The following MSTO1 variants were observed in gnomAD, a reference collection of about 807,000 sequenced individuals.
MSTO1 encodes the protein misato mitochondrial distribution and morphology regulator 1.
A neutral mutation model predicts 55.7 loss-of-function variants in MSTO1; 24 were observed. The ratio of observed to expected loss-of-function variants is 0.43; its 90% CI spans 0.31 to 0.61. MSTO1 has a LOEUF of 0.61. MSTO1 is among the 20% of genes least tolerant of loss of function. MSTO1 has a pLI of 0.09. For missense variants in MSTO1, 363 were observed against 625.7 expected (o/e 0.58, Z 4.48); for synonymous variants, 162 against 252.8 (o/e 0.64, Z 3.41).
At chr1:155,580,907 C>CAAAA in the MSTO1 span, among the ~76,000 whole-genome samples, 1 of 91,670 alleles carries the variant, frequency 1.1e-5, no homozygotes, top group African/African-American at 4.3e-5. Context: ...GACTCTGTCT[C>CAAAA]AAAAAAAAAA....
chr1:155,585,122 TTGTTCACCATTGTATTCACAGGGCC>T, the MSTO1 span, among the ~76,000 whole-genome samples: 7 of 152,206 alleles, frequency 4.6e-5, no homozygotes, highest in Non-Finnish European at 7.3e-5. Flanking sequence ...CTATAACAGT[TTGTTCACCATTGTATTCACAGGGCC>T]TGGTACATAG....
At chr1:155,592,358 G>A in the MSTO1 span, among the ~76,000 whole-genome samples, 9 of 152,256 alleles carry the variant, frequency 5.9e-5, no homozygotes, top group Middle Eastern at 3.4e-3. Context: ...GATTAGAAAG[G>A]ACACAATAAC....
At chr1:155,588,873 T>G in the MSTO1 span, among the ~76,000 whole-genome samples, 1 of 152,168 alleles carries the variant, frequency 6.6e-6, no homozygotes, top group Non-Finnish European at 1.5e-5. Context: ...TGGCTCTCCC[T>G]GCATGTGCCC....
the MSTO1 span, among the ~76,000 whole-genome samples, chr1:155,574,313 T>G: frequency 1.3e-5 from 2 of 152,130 alleles, no homozygotes; most frequent in African/African-American, 4.8e-5. Context: ...GTCATCACAC[T>G]GCAGCCTAGG....
At chr1:155,573,478 C>G in the MSTO1 span, among the ~76,000 whole-genome samples, 3 of 151,856 alleles carry the variant, frequency 2.0e-5, no homozygotes, top group Non-Finnish European at 2.9e-5. Flanking sequence ...GTAGACAGAT[C>G]GCTTGAGCTC....
the MSTO1 span, among the ~76,000 whole-genome samples, chr1:155,586,959 G>A: frequency 6.6e-6 from 1 of 152,144 alleles, no homozygotes; most frequent in East Asian, 1.9e-4. Flanking sequence ...TATTGGGCAG[G>A]CTGGTCTCAA....
upstream of MSTO1, among the ~76,000 whole-genome samples, chr1:155,607,005 T>C (rs1335950937): frequency 6.6e-6 from 1 of 151,764 alleles, no homozygotes; most frequent in Non-Finnish European, 1.5e-5. Context: ...CTGCTAATTT[T>C]GTGTTTTTAG....
chr1:155,567,580 GT>G, the MSTO1 span, among the ~76,000 whole-genome samples: 1 of 151,734 alleles, frequency 6.6e-6, no homozygotes, highest in Admixed American at 6.6e-5. Context: ...GATTACAGGC[GT>G]GAGCCACCGC....
the MSTO1 span, among the ~76,000 whole-genome samples, chr1:155,600,014 T>C: frequency 1.3e-5 from 2 of 152,194 alleles, no homozygotes; most frequent in Non-Finnish European, 2.9e-5. Flanking sequence ...AGGAGACAGA[T>C]GCCTTCCTCT....
chr1:155,614,812 G>A lies in MSTO1; in HGVS notation c.*539G>A. 7.6e-6 allele frequency: 12 copies of A among 1,577,894 alleles called. No homozygotes were observed. The South Asian group carries it at 1.4e-4, about 18-fold the overall frequency. On this transcript the variant is annotated 3_prime_UTR_variant, in exon 14 of 14. Transcript: ENST00000245564. ...ACTGGTTGCATCATCCTCATCCTCA[G>A]AGCTGGCTTCACAGGCAGTGTGGAA...
upstream of MSTO1, among the ~76,000 whole-genome samples, chr1:155,605,861 C>A (rs1051522643): frequency 5.4e-4 from 82 of 152,234 alleles, no homozygotes; most frequent in African/African-American, 2.0e-3. Flanking sequence ...GAAATGATGC[C>A]AATCTCATAT....
chr1:155,591,921 T>C, the MSTO1 span, among the ~76,000 whole-genome samples: 3 of 152,258 alleles, frequency 2.0e-5, no homozygotes, highest in South Asian at 2.1e-4. Context: ...CGGGGCAATA[T>C]AGCAAGACCC....
chr1:155,565,806 A>G, the MSTO1 span, among the ~76,000 whole-genome samples: 1 of 152,228 alleles, frequency 6.6e-6, no homozygotes, highest in South Asian at 2.1e-4. Context: ...ACTAAAATAT[A>G]TTAAGTGCTC....
the MSTO1 span, chr1:155,590,628 A>AGATGTCCCCC: frequency 7.2e-7 from 1 of 1,389,714 alleles, no homozygotes; most frequent in African/African-American, 1.5e-5. Context: ...TAGGGTACTC[A>AGATGTCCCCC]GAGGTCCCCC....
At chr1:155,576,895 A>G in the MSTO1 span, among the ~76,000 whole-genome samples, 2 of 146,726 alleles carry the variant, frequency 1.4e-5, no homozygotes, top group Admixed American at 1.4e-4. Flanking sequence ...GGCGCTTGTA[A>G]TCCCAGCTAC....
chr1:155,595,254 T>C, the MSTO1 span, among the ~76,000 whole-genome samples: 2 of 142,770 alleles, frequency 1.4e-5, no homozygotes, highest in East Asian at 2.4e-4. Context: ...CTCGGCTCAC[T>C]GCAAGCTCTG....
chr1:155,612,403 C>G lies in MSTO1; in HGVS notation c.814-15C>G. The G allele has an allele frequency of 6.2e-7, 1 of 1,606,270 alleles. No homozygotes were observed. Among genetic ancestry groups the G allele is most frequent in the Non-Finnish European group, 8.5e-7 (1 of 1,175,794 alleles). On this transcript the variant is annotated splice_polypyrimidine_tract_variant and intron_variant, in intron 8 of 13. Coordinates refer to ENST00000245564, the MANE Select transcript of MSTO1 (RefSeq NM_018116.4). ...TGGGAGAGCTGCTTAATACAAACTA[C>G]TCTTTCTTCACCAGGAGGCCCAGAG...
At chr1:155,576,812 G>A in the MSTO1 span, among the ~76,000 whole-genome samples, 5,846 of 148,698 alleles carry the variant, frequency 0.039, 392 homozygotes, top group African/African-American at 0.14. Context: ...TCAGGAGATC[G>A]AGACCATCCT....
chr1:155,595,181 T>G, the MSTO1 span, among the ~76,000 whole-genome samples: 2 of 147,618 alleles, frequency 1.4e-5, no homozygotes, highest in South Asian at 2.2e-4. Context: ...TTGTTGTTTT[T>G]TTTTTTTTTT....
Sources: allele counts gnomAD v4.1 joint callset (sites outside exome capture counted in the v4.1 genomes callset), GRCh38; gene constraint gnomAD v4.1.1; transcripts MANE v1.5; gene names NCBI Gene and HGNC (gene_info 2026-07-23, HGNC 2026-07-21).